Variants in FHIT observed in about 807,000 individuals in gnomAD.
FHIT encodes the protein bis(5'-adenosyl)-triphosphatase.
A neutral mutation model predicts 17.9 loss-of-function variants in FHIT; 19 were observed. The observed-to-expected ratio is 1.06, with a 90% CI of 0.74 to 1.56. The LOEUF (loss-of-function observed/expected upper bound fraction) is 1.56, where lower values mean the gene tolerates loss of function less well. Ranked by LOEUF, FHIT falls within the 40% of genes most tolerant of loss-of-function variation. The pLI, the probability that FHIT is intolerant of heterozygous loss-of-function variation, is 0.00. For synonymous variants in FHIT, 81 were observed against 69.7 expected (o/e 1.16, Z -0.81); for missense variants, 248 against 189.2 (o/e 1.31, Z -1.82).
chr3:60,112,713 G>A (rs1261677623), intron 5 of FHIT, among the ~76,000 whole-genome samples: 1 of 152,158 alleles, frequency 6.6e-6, no homozygotes, highest in Admixed American at 6.5e-5. Context: ...GGATAGAATG[G>A]AAACTACATA....
At chr3:61,094,746 A>G (rs765582223) in intron 2 of FHIT, among the ~76,000 whole-genome samples, 16 of 152,220 alleles carry the variant, frequency 1.1e-4, no homozygotes, top group Non-Finnish European at 1.5e-4. Flanking sequence ...CCATGATACC[A>G]TGACAGTTGA....
intron 5 of FHIT, among the ~76,000 whole-genome samples, chr3:60,299,108 T>G (rs1708338489): frequency 6.6e-6 from 1 of 152,172 alleles, no homozygotes; most frequent in Admixed American, 6.6e-5. Context: ...CAAATTGGGC[T>G]GCTGATCCAT....
intron 4 of FHIT, among the ~76,000 whole-genome samples, chr3:60,717,238 A>G (rs1440862623): frequency 3.3e-5 from 5 of 152,132 alleles, no homozygotes; most frequent in Non-Finnish European, 7.3e-5. Context: ...ATACAGCATA[A>G]TAACTATAGT....
chr3:60,569,522 A>ACC (rs2037277114), intron 4 of FHIT, among the ~76,000 whole-genome samples: 1 of 151,730 alleles, frequency 6.6e-6, no homozygotes, highest in South Asian at 2.1e-4. Flanking sequence ...TAGCAGGATC[A>ACC]CCTTCATGTT....
intron 2 of FHIT, among the ~76,000 whole-genome samples, chr3:61,091,121 G>C (rs1377593417): frequency 6.6e-6 from 1 of 152,016 alleles, no homozygotes; most frequent in East Asian, 1.9e-4. Context: ...ATAAAGACAA[G>C]AAAAAATATG....
intron 4 of FHIT, among the ~76,000 whole-genome samples, chr3:60,655,686 C>G (rs1379720932): frequency 6.6e-6 from 1 of 152,072 alleles, no homozygotes; most frequent in East Asian, 1.9e-4. Context: ...ACTCCCCACC[C>G]CAAGCTCTGT....
At chr3:60,075,743 T>C (rs1259860293) in intron 5 of FHIT, among the ~76,000 whole-genome samples, 1 of 152,058 alleles carries the variant, frequency 6.6e-6, no homozygotes, top group African/African-American at 2.4e-5. Context: ...TACATGGCCA[T>C]CAATTATAGA....
intron 5 of FHIT, among the ~76,000 whole-genome samples, chr3:60,507,202 A>T (rs894907972): frequency 4.6e-5 from 7 of 152,194 alleles, no homozygotes; most frequent in African/African-American, 1.7e-4. Flanking sequence ...GCATTGGTAG[A>T]ATGAACAGGA....
intron 1 of FHIT, among the ~76,000 whole-genome samples, chr3:61,223,272 G>A (rs2039886321): frequency 6.6e-6 from 1 of 152,166 alleles, no homozygotes; most frequent in Non-Finnish European, 1.5e-5. Context: ...CAGCAGAACA[G>A]AGTTGACCTC....
At chr3:60,183,986 A>T (rs150872871) in intron 5 of FHIT, among the ~76,000 whole-genome samples, 1,698 of 116,788 alleles carry the variant, frequency 0.015, 31 homozygotes, top group African/African-American at 0.049. Context: ...TATTTATATT[A>T]ATTTATTTTT....
chr3:60,013,384 G>A (rs1335952036), intron 6 of FHIT, among the ~76,000 whole-genome samples: 1 of 152,170 alleles, frequency 6.6e-6, no homozygotes, highest in Non-Finnish European at 1.5e-5. Flanking sequence ...GCCTGAAGGA[G>A]CTCATGGTAT....
intron 3 of FHIT, among the ~76,000 whole-genome samples, chr3:60,982,581 C>A (rs1289301389): frequency 6.6e-6 from 1 of 152,168 alleles, no homozygotes; most frequent in Non-Finnish European, 1.5e-5. Context: ...TCAGAATGCT[C>A]TCCCTCCTCC....
chr3:60,274,435 C>T (rs928003342), intron 5 of FHIT, among the ~76,000 whole-genome samples: 1 of 152,114 alleles, frequency 6.6e-6, no homozygotes, highest in African/African-American at 2.4e-5. Context: ...TGAATGCTTA[C>T]CTAAAAATGT....
At chr3:59,845,483 A>G (rs190803303) in intron 8 of FHIT, among the ~76,000 whole-genome samples, 22 of 151,588 alleles carry the variant, frequency 1.5e-4, no homozygotes, top group Admixed American at 1.2e-3. Flanking sequence ...TTTTGTTTTC[A>G]TTTGTCTTTT....
At chr3:59,757,007 G>C (rs186027534) in intron 8 of FHIT, among the ~76,000 whole-genome samples, 4 of 152,222 alleles carry the variant, frequency 2.6e-5, no homozygotes, top group African/African-American at 9.6e-5. Flanking sequence ...CCAACTGACT[G>C]TGTCTGGGAT....
intron 2 of FHIT, among the ~76,000 whole-genome samples, chr3:61,142,624 G>A (rs1188628539): frequency 6.6e-6 from 1 of 151,964 alleles, no homozygotes. Context: ...CATTAAAAGT[G>A]ATCATTACAA....
chr3:61,201,483 C>T (rs940470524), intron 1 of FHIT, among the ~76,000 whole-genome samples: 5 of 152,152 alleles, frequency 3.3e-5, no homozygotes, highest in Admixed American at 2.0e-4. Context: ...CTAACATCTC[C>T]GAAAGGTGCA....
At chr3:60,198,937 T>G (rs1702769598) in intron 5 of FHIT, among the ~76,000 whole-genome samples, 1 of 152,178 alleles carries the variant, frequency 6.6e-6, no homozygotes. Flanking sequence ...CACAGGATCA[T>G]TAACATATTT....
At chr3:61,214,469 T>C (rs1044765887) in intron 1 of FHIT, among the ~76,000 whole-genome samples, 11 of 152,154 alleles carry the variant, frequency 7.2e-5, no homozygotes, top group Admixed American at 3.9e-4. Flanking sequence ...AGAAGTTGGA[T>C]CTCTGAATAG....
Sources: gnomAD v4.1 joint callset for allele counts (sites outside exome capture counted in the v4.1 genomes callset) on GRCh38, gnomAD v4.1.1 for gene constraint, MANE v1.5 for transcripts, NCBI Gene and HGNC (gene_info 2026-07-23, HGNC 2026-07-21) for gene names.